Variants in EXT1 observed in about 807,000 individuals in gnomAD.
EXT1 encodes exostosin glycosyltransferase 1.
Under a neutral mutation model 82.5 loss-of-function variants are expected in EXT1, and 20 were observed. The observed-to-expected ratio is 0.24, with a 90% CI of 0.17 to 0.35. The LOEUF is 0.35. Ranked by LOEUF, EXT1 falls within the 10% of genes least tolerant of loss-of-function variation. The pLI is 1.00. For synonymous variants in EXT1, 348 were observed against 350.8 expected (o/e 0.99, Z 0.09); for missense variants, 757 against 936.5 (o/e 0.81, Z 2.50).
chr8:117,907,961 T>C (rs1266525368), intron 1 of EXT1, among the ~76,000 whole-genome samples: 1 of 152,232 alleles, frequency 6.6e-6, no homozygotes. Flanking sequence ...AAAAGCCAAA[T>C]ACCTACCTCT....
At position 117,968,982 on chromosome 8, in the gene EXT1, T is replaced by C. The variant is rs144685646; in HGVS notation, c.963-131781A>G. On this transcript the variant is annotated intron_variant, in intron 1 of 10. Transcript: ENST00000378204. ...TTAAGCAAAAATAAGTTCTATACCATGGTGGTATATAAAAGAAGGAAAATG... is the reference window on the plus strand; with the variant it reads ...TTAAGCAAAAATAAGTTCTATACCACGGTGGTATATAAAAGAAGGAAAATG... Among the ~76,000 whole-genome samples the C allele has an allele frequency of 1.7e-3, 252 of 152,278 alleles. 2 individuals carry two copies. The highest frequency in any genetic ancestry group is 4.3e-4 in the Non-Finnish European group (29 of 68,026).
intron 1 of EXT1, among the ~76,000 whole-genome samples, chr8:118,002,359 C>T (rs1383125902): frequency 4.0e-5 from 5 of 123,724 alleles, no homozygotes; most frequent in South Asian, 2.6e-4. Context: ...CTAGCCTGGG[C>T]GACAGACGGC....
intron 1 of EXT1, among the ~76,000 whole-genome samples, chr8:117,975,719 C>T (rs981039621): frequency 2.0e-5 from 3 of 152,120 alleles, no homozygotes; most frequent in African/African-American, 7.2e-5. Flanking sequence ...AAAATAATGG[C>T]TATATTTTAC....
At chr8:118,004,067 T>A (rs768441425) in intron 1 of EXT1, among the ~76,000 whole-genome samples, 1 of 152,024 alleles carries the variant, frequency 6.6e-6, no homozygotes, top group African/African-American at 2.4e-5. Flanking sequence ...CTTCAAAGAA[T>A]AGAAATAGTT....
chr8:118,064,999 C>T (rs570581723), intron 1 of EXT1, among the ~76,000 whole-genome samples: 2 of 151,862 alleles, frequency 1.3e-5, no homozygotes, highest in African/African-American at 4.8e-5. Context: ...ATTACAGGTG[C>T]CCGCCACCAC....
chr8:117,902,027 T>A (rs1044950634), intron 1 of EXT1, among the ~76,000 whole-genome samples: 6 of 151,936 alleles, frequency 3.9e-5, no homozygotes, highest in Non-Finnish European at 5.9e-5. Context: ...TTTTTTTTTT[T>A]ACTTGTTCAA....
chr8:117,809,218 A>AATATATATATATATATATATAT lies in EXT1; in HGVS notation c.1723-1863_1723-1842dup, dbSNP rs71307404. 2.9e-3 allele frequency among the ~76,000 whole-genome samples: 316 copies of AATATATATATATATATATATAT among 107,850 alleles called. 6 individuals are homozygous for AATATATATATATATATATATAT. Among genetic ancestry groups the AATATATATATATATATATATAT allele is most frequent in the Middle Eastern group, 5.3e-3 (1 of 190 alleles). 70.8% of individuals were successfully genotyped at this position (107,850 alleles called of 152,430 possible). ...GTATATATATGTGTGTGTGTGTATAAATATATATATATATATATATATATA... is the reference window on the plus strand; with the variant it reads ...GTATATATATGTGTGTGTGTGTATAAATATATATATATATATATATATATATATATATATATATATATATATA... On this transcript the variant is annotated intron_variant, in intron 8 of 10. Transcript: ENST00000378204.
intron 1 of EXT1, among the ~76,000 whole-genome samples, chr8:117,893,668 C>T (rs1426136772): frequency 6.6e-6 from 1 of 152,158 alleles, no homozygotes; most frequent in Non-Finnish European, 1.5e-5. Flanking sequence ...TTCGCTGCAG[C>T]CTGGACTAAC....
chr8:118,076,706 T>C (rs542902519), intron 1 of EXT1, among the ~76,000 whole-genome samples: 23 of 152,230 alleles, frequency 1.5e-4, no homozygotes, highest in Admixed American at 1.4e-3. Context: ...GAGTGAATAT[T>C]TGATGAAATT....
chr8:117,807,770 C>A (rs769102154), intron 8 of EXT1, among the ~76,000 whole-genome samples: 1 of 151,758 alleles, frequency 6.6e-6, no homozygotes, highest in African/African-American at 2.4e-5. Flanking sequence ...CATGTATATC[C>A]AAAGAATGAA....
At chr8:117,944,418 G>A (rs982589981) in intron 1 of EXT1, among the ~76,000 whole-genome samples, 39 of 151,968 alleles carry the variant, frequency 2.6e-4, no homozygotes, top group African/African-American at 8.5e-4. Context: ...AAGTGAAATC[G>A]GAGTTAATGC....
rs748651137 is a variant in EXT1 at position 117,837,190 on chromosome 8, C to T, written c.974G>A (p.Arg325Gln). ...GAAAGTGGCATTGTGCAGCATTTCC[C>T]GATAATCATACCTAGAAAGAGAAGA... ...DNTEYEKYDY[R>Q]EMLHNATFCL... The change falls in exon 2 of 11, where the codon CGG becomes CAG. Residue 325 changes from arginine to glutamine, a missense_variant. Around this residue, in one of 4 missense-constraint regions of EXT1, gnomAD observed 247 missense variants for 330.1 expected, o/e 0.75. Transcript: ENST00000378204. The T allele has an allele frequency of 1.2e-5, 19 of 1,613,418 alleles. No individual in the cohort carries two copies. The highest frequency in any genetic ancestry group is 2.2e-5 in the East Asian group (1 of 44,862).
chr8:117,807,263 T>C lies in EXT1; in HGVS notation c.1837A>G (p.Thr613Ala), dbSNP rs534809501. The C allele has an allele frequency of 6.2e-7, 1 of 1,614,206 alleles. No individual in the cohort carries two copies. Among genetic ancestry groups the C allele is most frequent in the African/African-American group, 1.3e-5 (1 of 75,052 alleles). Residue 613 changes from threonine to alanine, a missense_variant, in exon 9 of 11, where the codon ACG becomes GCG. Thr to Ala is a moderately conservative substitution (Grantham distance 58). Transcript: ENST00000378204. ...KERWGYTSKWTNDYSMVLTGA... is the reference protein window; with the variant it reads ...KERWGYTSKWANDYSMVLTGA... ...GTCAACACCATGGAGTAGTCGTTCG[T>C]CCACTTTGATGTGTATCCCCACCGC...
chr8:117,908,456 C>A (rs1563597736), intron 1 of EXT1, among the ~76,000 whole-genome samples: 1 of 151,736 alleles, frequency 6.6e-6, no homozygotes, highest in Admixed American at 6.6e-5. Flanking sequence ...ATGGTGAAAC[C>A]CCACCTCTAC....
chr8:117,926,524 C>T lies in EXT1; in HGVS notation c.963-89323G>A, dbSNP rs574646024. ...AGTCATGGCTAGAAGTGGGATGCAG[C>T]GGAGGTGCCCAAGAACTGAATCCAC... is the stretch of plus-strand genomic sequence containing the variant. On this transcript the variant is annotated intron_variant, in intron 1 of 10. Transcript: ENST00000378204. 6.2e-4 allele frequency among the ~76,000 whole-genome samples: 95 copies of T among 152,270 alleles called. No individual in the cohort carries two copies. In the Middle Eastern group the frequency reaches 0.014, roughly 22 times the overall value.
intron 3 of EXT1, among the ~76,000 whole-genome samples, chr8:117,833,433 G>A (rs1279956956): frequency 6.6e-6 from 1 of 152,144 alleles, no homozygotes; most frequent in African/African-American, 2.4e-5. Flanking sequence ...TGGCCAACAT[G>A]GTGAAACACC....
intron 1 of EXT1, among the ~76,000 whole-genome samples, chr8:117,923,149 A>G (rs1338273653): frequency 6.6e-6 from 1 of 151,804 alleles, no homozygotes; most frequent in Admixed American, 6.6e-5. Flanking sequence ...ACATGGTGAA[A>G]CCCCGTCTTT....
At chr8:118,027,820 A>C (rs1386018607) in intron 1 of EXT1, among the ~76,000 whole-genome samples, 1 of 152,178 alleles carries the variant, frequency 6.6e-6, no homozygotes, top group East Asian at 1.9e-4. Context: ...GCAAAGGCTA[A>C]ATTTGCAGCC....
chr8:118,050,452 GCT>G (rs1173479371), intron 1 of EXT1, among the ~76,000 whole-genome samples: 15 of 152,172 alleles, frequency 9.9e-5, no homozygotes, highest in African/African-American at 3.6e-4. Context: ...TAAAGGCTGT[GCT>G]CTTTCTATTA....
Sources: allele counts gnomAD v4.1 joint callset (sites outside exome capture counted in the v4.1 genomes callset), GRCh38; gene constraint gnomAD v4.1.1; regional missense constraint gnomAD v4.1.1; transcripts MANE v1.5; gene names NCBI Gene and HGNC (gene_info 2026-07-23, HGNC 2026-07-21).